IL23R: variants seen among roughly 807,000 people sequenced by gnomAD.
IL23R encodes the protein interleukin 23 receptor.
In IL23R, 34 loss-of-function variants were observed where a neutral mutation model predicts 56.9. The observed-to-expected ratio is 0.60, with a 90% CI of 0.45 to 0.80. IL23R has a LOEUF of 0.80. Among genes scored for constraint, IL23R ranks in the 30% least tolerant of loss-of-function variants. The pLI is 0.00. For synonymous variants in IL23R, 230 were observed against 249.2 expected (o/e 0.92, Z 0.73); for missense variants, 635 against 730.0 (o/e 0.87, Z 1.50).
intron 3 of IL23R, among the ~76,000 whole-genome samples, chr1:67,182,204 T>C (rs1475557838): frequency 6.6e-6 from 1 of 152,206 alleles, no homozygotes; most frequent in African/African-American, 2.4e-5. Flanking sequence ...TGCTGCCTTT[T>C]GTTTAGCTAT....
At chr1:67,148,798 G>A (rs967821179) in intron 1 of IL23R, among the ~76,000 whole-genome samples, 2 of 152,090 alleles carry the variant, frequency 1.3e-5, no homozygotes, top group African/African-American at 4.8e-5. Context: ...TTGACCAATG[G>A]CTTGGTCAGG....
downstream of IL23R, among the ~76,000 whole-genome samples, chr1:67,263,678 AGGT>A (rs999858261): frequency 3.3e-5 from 5 of 152,166 alleles, no homozygotes; most frequent in African/African-American, 1.2e-4. Flanking sequence ...TGGGAGGCTG[AGGT>A]GGGCAGATCA....
At chr1:67,176,228 GA>G (rs1321771839) in intron 3 of IL23R, among the ~76,000 whole-genome samples, 1 of 151,886 alleles carries the variant, frequency 6.6e-6, no homozygotes, top group Non-Finnish European at 1.5e-5. Context: ...TAGCTGTTAA[GA>G]AAAAAAGAAA....
At chr1:67,139,802 C>T (rs982552285) in intron 1 of IL23R, among the ~76,000 whole-genome samples, 3 of 152,152 alleles carry the variant, frequency 2.0e-5, no homozygotes, top group Admixed American at 6.5e-5. Flanking sequence ...TCAGCCTCTC[C>T]AGTAGCTGTC....
chr1:67,189,108 C>T (rs1243758706), intron 4 of IL23R, among the ~76,000 whole-genome samples: 2 of 152,000 alleles, frequency 1.3e-5, no homozygotes, highest in African/African-American at 4.8e-5. Context: ...AGAGATGTTG[C>T]ATGTGCTCTA....
intron 7 of IL23R, among the ~76,000 whole-genome samples, chr1:67,234,469 A>G (rs1166192882): frequency 1.3e-5 from 2 of 152,206 alleles, no homozygotes; most frequent in African/African-American, 4.8e-5. Flanking sequence ...AATTGTTTTT[A>G]TATGATGCAA....
chr1:67,163,468 C>CAAAAAA (rs57495148), upstream of IL23R, among the ~76,000 whole-genome samples: 44 of 49,600 alleles, frequency 8.9e-4, no homozygotes, highest in African/African-American at 3.6e-3. Flanking sequence ...GACCCTGTCT[C>CAAAAAA]AAAAAAAAAA....
At chr1:67,158,316 G>A (rs1172672859) in intron 1 of IL23R, among the ~76,000 whole-genome samples, 2 of 152,212 alleles carry the variant, frequency 1.3e-5, no homozygotes, top group African/African-American at 4.8e-5. Context: ...AGGGTTCTTG[G>A]TTTCACCCAG....
At chr1:67,206,044 G>A (rs532816486) in intron 5 of IL23R, among the ~76,000 whole-genome samples, 3 of 141,824 alleles carry the variant, frequency 2.1e-5, no homozygotes, top group African/African-American at 5.3e-5. Context: ...ACAGAGTCTC[G>A]CTCCGCCACC....
intron 6 of IL23R, 55 bp downstream of exon 6, chr1:67,207,110 C>T (rs1356063825): frequency 2.0e-6 from 3 of 1,529,684 alleles, no homozygotes; most frequent in Admixed American, 3.3e-5. Context: ...TAAAAGCCAA[C>T]CATCAGTGGC....
At chr1:67,230,818 A>G (rs1651051141) in intron 7 of IL23R, among the ~76,000 whole-genome samples, 1 of 152,170 alleles carries the variant, frequency 6.6e-6, no homozygotes, top group Non-Finnish European at 1.5e-5. Context: ...TGTTGGCATT[A>G]GTTTTGCCTT....
chr1:67,202,732 C>G (rs1458882613), intron 5 of IL23R, among the ~76,000 whole-genome samples: 1 of 152,096 alleles, frequency 6.6e-6, no homozygotes, highest in Admixed American at 6.5e-5. Flanking sequence ...GCCACAGTGC[C>G]TGGCTAATTT....
intron 7 of IL23R, among the ~76,000 whole-genome samples, chr1:67,221,290 C>A (rs967826002): frequency 3.3e-5 from 5 of 151,638 alleles, no homozygotes; most frequent in Non-Finnish European, 7.4e-5. Flanking sequence ...CACTGCACTC[C>A]AGCCTGGGTG....
intron 6 of IL23R, among the ~76,000 whole-genome samples, chr1:67,212,541 AT>A (rs1558246207): frequency 1.2e-5 from 1 of 82,674 alleles, no homozygotes; most frequent in African/African-American, 4.8e-5. Context: ...TAGTCATGCA[AT>A]CTTTTTTTTT....
upstream of IL23R, among the ~76,000 whole-genome samples, chr1:67,162,231 C>G (rs1057484436): frequency 6.6e-5 from 10 of 151,630 alleles, no homozygotes; most frequent in African/African-American, 2.2e-4. Flanking sequence ...TTTGGGAGGC[C>G]GAGGCAGACG....
rs543454441 is a variant in IL23R at position 67,248,401 on chromosome 1, G to T, written c.1149-7436G>T. Among the ~76,000 whole-genome samples the T allele has an allele frequency of 3.3e-5, 5 of 152,104 alleles. No homozygotes were observed. The South Asian group carries it at 1.0e-3, about 32-fold the overall frequency. ...CTGGTATTCTTTCTTCCACTTGATT[G>T]ACTCAGCTATTGATACTTGTGTATG... On this transcript the variant is annotated intron_variant, in intron 9 of 10. Coordinates refer to ENST00000347310, the MANE Select transcript of IL23R (RefSeq NM_144701.3).
intron 1 of IL23R, among the ~76,000 whole-genome samples, chr1:67,149,262 A>G (rs1002865598): frequency 2.6e-5 from 4 of 152,296 alleles, no homozygotes; most frequent in African/African-American, 9.6e-5. Flanking sequence ...TGTGGCAGAA[A>G]GTCTGAAGTG....
At chr1:67,204,841 T>C (rs148382748) in intron 5 of IL23R, among the ~76,000 whole-genome samples, 1 of 151,862 alleles carries the variant, frequency 6.6e-6, no homozygotes, top group African/African-American at 2.4e-5. Context: ...TGCAGTGGCA[T>C]GATCTCAGCT....
At chr1:67,212,408 C>T (rs1649537779) in intron 6 of IL23R, among the ~76,000 whole-genome samples, 1 of 152,208 alleles carries the variant, frequency 6.6e-6, no homozygotes, top group Non-Finnish European at 1.5e-5. Flanking sequence ...ACCACTTTAG[C>T]TCCGTGGTGG....
Sources: gnomAD v4.1 joint callset for allele counts (sites outside exome capture counted in the v4.1 genomes callset) on GRCh38, gnomAD v4.1.1 for gene constraint, MANE v1.5 for transcripts, NCBI Gene and HGNC (gene_info 2026-07-23, HGNC 2026-07-21) for gene names.